SLC7A7: variants seen among roughly 807,000 people sequenced by gnomAD.
SLC7A7 encodes solute carrier family 7 member 7, also known as Y+L amino acid transporter 1.
Under a neutral mutation model 47.9 loss-of-function variants are expected in SLC7A7, and 39 were observed. The observed-to-expected ratio is 0.81, with a 90% confidence interval of 0.63 to 1.06. SLC7A7 has a LOEUF of 1.06. Ranked by LOEUF, SLC7A7 falls within the 50% of genes least tolerant of loss-of-function variation. The pLI, the probability that SLC7A7 is intolerant of heterozygous loss-of-function variation, is 0.00. For missense variants in SLC7A7, 588 were observed against 632.0 expected (o/e 0.93, Z 0.75); for synonymous variants, 234 against 242.8 (o/e 0.96, Z 0.34).
intron 2 of SLC7A7, among the ~76,000 whole-genome samples, chr14:22,782,404 A>G (rs2038734715): frequency 7.6e-6 from 1 of 131,272 alleles, no homozygotes; most frequent in African/African-American, 3.2e-5. Context: ...CGCCCGGCCT[A>G]TATTTTATTA....
intron 9 of SLC7A7, 101 bp downstream of exon 9, chr14:22,773,832 G>A: frequency 1.3e-6 from 2 of 1,563,548 alleles, no homozygotes; most frequent in Non-Finnish European, 1.8e-6. Context: ...GGGTTCATAA[G>A]AAGGGGCTAA....
At chr14:22,812,717 G>A (rs1003977053) in intron 2 of SLC7A7, among the ~76,000 whole-genome samples, 183 bp downstream of exon 2, 1 of 148,706 alleles carries the variant, frequency 6.7e-6, no homozygotes, top group African/African-American at 2.5e-5. Context: ...GAAAAGGTGA[G>A]TGTTTTTGCG....
At chr14:22,789,086 C>T (rs8020146) in intron 2 of SLC7A7, among the ~76,000 whole-genome samples, 2 of 152,094 alleles carry the variant, frequency 1.3e-5, no homozygotes, top group African/African-American at 2.4e-5. Context: ...AATTCATACA[C>T]GTTACTAATG....
chr14:22,786,796 C>T (rs2038825506), intron 2 of SLC7A7, among the ~76,000 whole-genome samples: 1 of 152,088 alleles, frequency 6.6e-6, no homozygotes, highest in Non-Finnish European at 1.5e-5. Context: ...GTTAGCCAGA[C>T]ATGGTGGCAC....
chr14:22,778,774 TTGG>T lies in SLC7A7; in HGVS notation c.770+16_770+18del. 1.2e-6 allele frequency: 2 copies of T among 1,611,240 alleles called. No homozygotes were observed. Among genetic ancestry groups the T allele is most frequent in the East Asian group, 2.2e-5 (1 of 44,816 alleles). On this transcript the variant is annotated intron_variant, in intron 4 of 9. Transcript: ENST00000674313. ...TGATGGCTATCACTGCTATGGAAAG[TTGG>T]TGGTGCAGTACCTACCTCTCAGGAT...
intron 2 of SLC7A7, among the ~76,000 whole-genome samples, chr14:22,786,737 C>T (rs1456481377): frequency 6.6e-6 from 1 of 152,078 alleles, no homozygotes; most frequent in Non-Finnish European, 1.5e-5. Flanking sequence ...AGTTCAAGAC[C>T]AGCCTGGGCA....
intron 2 of SLC7A7, among the ~76,000 whole-genome samples, chr14:22,788,574 G>T (rs537048240): frequency 8.2e-4 from 124 of 151,802 alleles, no homozygotes; most frequent in African/African-American, 2.4e-3. Flanking sequence ...CGTGGTGGCG[G>T]GCACCTGTCA....
intron 2 of SLC7A7, among the ~76,000 whole-genome samples, chr14:22,795,823 C>A (rs1156236716): frequency 6.6e-6 from 1 of 152,082 alleles, no homozygotes; most frequent in Non-Finnish European, 1.5e-5. Context: ...GAGTTAGGAC[C>A]CACTGCTGCC....
intron 2 of SLC7A7, among the ~76,000 whole-genome samples, chr14:22,794,452 A>G (rs2038977696): frequency 2.0e-5 from 3 of 152,104 alleles, no homozygotes; most frequent in Non-Finnish European, 4.4e-5. Flanking sequence ...CCCTTCTCCA[A>G]GCCGTGTAAA....
chr14:22,799,888 A>C (rs2039083012), intron 2 of SLC7A7, among the ~76,000 whole-genome samples: 1 of 152,198 alleles, frequency 6.6e-6, no homozygotes, highest in Non-Finnish European at 1.5e-5. Context: ...CAAACTCAAC[A>C]TGTCCAAAAC....
chr14:22,792,839 T>G (rs547752537), intron 2 of SLC7A7, among the ~76,000 whole-genome samples: 2 of 115,182 alleles, frequency 1.7e-5, no homozygotes, highest in African/African-American at 3.1e-5. Context: ...GCCTGGATGA[T>G]AGTGTGAGGC....
At chr14:22,777,142 TAAA>T (rs35326556) in intron 4 of SLC7A7, among the ~76,000 whole-genome samples, 188 of 64,134 alleles carry the variant, frequency 2.9e-3, no homozygotes, top group South Asian at 3.2e-3. Context: ...AGACCCTGTC[TAAA>T]AAAAAAAAAA....
chr14:22,797,594 T>G (rs2039041129), intron 2 of SLC7A7, among the ~76,000 whole-genome samples: 2 of 150,394 alleles, frequency 1.3e-5, no homozygotes, highest in African/African-American at 4.9e-5. Flanking sequence ...ACTGGAGGAG[T>G]GAATGGGGTG....
intron 2 of SLC7A7, among the ~76,000 whole-genome samples, chr14:22,808,367 A>T (rs1337083426): frequency 1.3e-5 from 2 of 152,152 alleles, no homozygotes; most frequent in Non-Finnish European, 2.9e-5. Flanking sequence ...CCCTAATTAA[A>T]TTTTTTCTAA....
At chr14:22,776,552 G>T (rs1329318348) in intron 4 of SLC7A7, among the ~76,000 whole-genome samples, 1 of 152,200 alleles carries the variant, frequency 6.6e-6, no homozygotes, top group Non-Finnish European at 1.5e-5. Context: ...GGACTGTGCA[G>T]CTGGGAGCAG....
At chr14:22,799,299 C>G (rs1303434735) in intron 2 of SLC7A7, among the ~76,000 whole-genome samples, 1 of 147,852 alleles carries the variant, frequency 6.8e-6, no homozygotes, top group African/African-American at 2.5e-5. Flanking sequence ...TCTAGATGCT[C>G]CTTCTCCATC....
At chr14:22,778,438 T>C (rs2139394034) in intron 4 of SLC7A7, among the ~76,000 whole-genome samples, 1 of 152,346 alleles carries the variant, frequency 6.6e-6, no homozygotes, top group Admixed American at 6.5e-5. Flanking sequence ...TGGAAGTCTA[T>C]ATCCCAAAGC....
At chr14:22,787,989 C>T (rs1270759118) in intron 2 of SLC7A7, among the ~76,000 whole-genome samples, 2 of 149,394 alleles carry the variant, frequency 1.3e-5, no homozygotes, top group Non-Finnish European at 3.0e-5. Context: ...AGGAGAATGG[C>T]GTGAACCCGG....
At chr14:22,814,191 A>T (rs1396967332) in intron 1 of SLC7A7, among the ~76,000 whole-genome samples, 3 of 151,746 alleles carry the variant, frequency 2.0e-5, no homozygotes, top group Non-Finnish European at 4.4e-5. Context: ...CAAATAGAGA[A>T]CTAAATCTTG....
Sources: gnomAD v4.1 joint callset for allele counts (sites outside exome capture counted in the v4.1 genomes callset) on GRCh38, gnomAD v4.1.1 for gene constraint, MANE v1.5 for transcripts, NCBI Gene and HGNC (gene_info 2026-07-23, HGNC 2026-07-21) for gene names.